MPPED1: variants seen among roughly 807,000 people sequenced by gnomAD.
The protein encoded by MPPED1 is metallophosphoesterase domain containing 1.
MPPED1 carries 16 observed loss-of-function variants against 36.2 expected under a neutral mutation model. That is an observed-to-expected ratio of 0.44 (90% CI 0.30 to 0.67). The LOEUF (loss-of-function observed/expected upper bound fraction) is 0.67, where lower values mean the gene tolerates loss of function less well. Ranked by LOEUF, MPPED1 falls within the 30% of genes least tolerant of loss-of-function variation. The pLI is 0.10. For missense variants in MPPED1, 307 were observed against 453.4 expected, an observed-to-expected ratio of 0.68 and a Z score of 2.93; for synonymous variants, 199 against 191.3, an observed-to-expected ratio of 1.04 and a Z score of -0.33.
intron 2 of MPPED1, 56 bp from the exon 3 acceptor site, chr22:43,434,978 C>A: frequency 6.4e-7 from 1 of 1,567,120 alleles, no homozygotes; most frequent in Non-Finnish European, 8.7e-7. Flanking sequence ...AGACACACCA[C>A]CCGCAGGCTC....
chr22:43,450,359 A>G lies in MPPED1; in HGVS notation c.406+15144A>G, dbSNP rs111718615. Among the ~76,000 whole-genome samples the G allele has an allele frequency of 1.9e-4, 29 of 152,318 alleles. 1 individual carries two copies. The highest frequency in any genetic ancestry group is 6.7e-4 in the African/African-American group (28 of 41,576). On this transcript the variant is annotated intron_variant, in intron 3 of 6. Coordinates refer to ENST00000443721, the MANE Select transcript of MPPED1 (RefSeq NM_001044370.2). ...CCCCTGTGCCTCAGTGTCTTCACCT[A>G]AAAAATGGGGCGACACACTTGCTTT...
intron 3 of MPPED1, among the ~76,000 whole-genome samples, chr22:43,448,959 C>A (rs1930461609): frequency 6.6e-6 from 1 of 151,902 alleles, no homozygotes; most frequent in Non-Finnish European, 1.5e-5. Flanking sequence ...TCTTGTGTAT[C>A]TGGAAAATCC....
intron 3 of MPPED1, among the ~76,000 whole-genome samples, chr22:43,462,758 C>T (rs1462460953): frequency 6.6e-6 from 1 of 152,154 alleles, no homozygotes; most frequent in Non-Finnish European, 1.5e-5. Context: ...CCAAGGCCTG[C>T]TCCCATTGGG....
intron 6 of MPPED1, among the ~76,000 whole-genome samples, chr22:43,504,357 AATG>A (rs761581871): frequency 2.0e-5 from 3 of 151,898 alleles, no homozygotes; most frequent in South Asian, 2.1e-4. Context: ...CAATGATGAC[AATG>A]ATGATGATGA....
chr22:43,426,654 C>T (rs1016353896), intron 2 of MPPED1, among the ~76,000 whole-genome samples: 4 of 152,196 alleles, frequency 2.6e-5, no homozygotes, highest in Admixed American at 6.5e-5. Context: ...TGGCCTCCCT[C>T]AGGCCTGGCC....
intron 3 of MPPED1, among the ~76,000 whole-genome samples, chr22:43,469,999 A>G (rs999510757): frequency 2.6e-5 from 4 of 151,728 alleles, no homozygotes; most frequent in Admixed American, 2.6e-4. Flanking sequence ...CCACCAACCC[A>G]TCTATAAACC....
intron 4 of MPPED1, among the ~76,000 whole-genome samples, chr22:43,495,947 G>T (rs1220759222): frequency 1.4e-3 from 177 of 125,612 alleles, no homozygotes; most frequent in South Asian, 2.9e-3. Context: ...GGAGGTAGTG[G>T]TGGTGGAGGT....
intron 4 of MPPED1, among the ~76,000 whole-genome samples, chr22:43,494,842 GC>G (rs1275609748): frequency 7.2e-5 from 11 of 152,150 alleles, no homozygotes; most frequent in Non-Finnish European, 4.4e-5. Context: ...AGATCAAGGT[GC>G]TGGCAGATTC....
chr22:43,492,584 C>T (rs1360285603), intron 4 of MPPED1, among the ~76,000 whole-genome samples: 2 of 152,278 alleles, frequency 1.3e-5, no homozygotes, highest in Non-Finnish European at 2.9e-5. Flanking sequence ...TGCCCTGCCC[C>T]TCACACTTAA....
chr22:43,498,597 A>G (rs910689588), intron 5 of MPPED1, among the ~76,000 whole-genome samples: 1 of 151,980 alleles, frequency 6.6e-6, no homozygotes, highest in African/African-American at 2.4e-5. Flanking sequence ...TCACCTGCCC[A>G]TTTGACAGGT....
chr22:43,414,099 A>G (rs1002620021), intron 1 of MPPED1, among the ~76,000 whole-genome samples: 1 of 152,190 alleles, frequency 6.6e-6, no homozygotes, highest in African/African-American at 2.4e-5. Flanking sequence ...CTAGGCGAAC[A>G]ATAAGAATTT....
intron 3 of MPPED1, among the ~76,000 whole-genome samples, chr22:43,441,693 G>T (rs891691988): frequency 1.3e-5 from 2 of 152,190 alleles, no homozygotes; most frequent in Non-Finnish European, 2.9e-5. Flanking sequence ...AATATAAAAG[G>T]GGTCCAAGGA....
At chr22:43,475,902 G>C (rs1569082605) in intron 4 of MPPED1, among the ~76,000 whole-genome samples, 1 of 146,014 alleles carries the variant, frequency 6.8e-6, no homozygotes, top group Non-Finnish European at 1.5e-5. Flanking sequence ...TGGTTATGCT[G>C]ATGGTGATGA....
At chr22:43,420,770 G>A (rs2146814350) in intron 1 of MPPED1, among the ~76,000 whole-genome samples, 1 of 152,290 alleles carries the variant, frequency 6.6e-6, no homozygotes, top group Non-Finnish European at 1.5e-5. Flanking sequence ...TCCAGGTACT[G>A]ATTATTAGCT....
chr22:43,421,240 C>T (rs1174552987), intron 1 of MPPED1, among the ~76,000 whole-genome samples: 2 of 152,388 alleles, frequency 1.3e-5, no homozygotes, highest in African/African-American at 4.8e-5. Flanking sequence ...CGCCTCCTCG[C>T]ACGGTGGCTA....
At position 43,482,707 on chromosome 22, in the gene MPPED1, G is replaced by A. The variant is rs186605996; in HGVS notation, c.632+7746G>A. ...CACCTGCTGCTCGACGTTTATGACCGCCCAGGCTAGGGCACGGAAGCAATA... is the reference window on the plus strand; with the variant it reads ...CACCTGCTGCTCGACGTTTATGACCACCCAGGCTAGGGCACGGAAGCAATA... On this transcript the variant is annotated intron_variant, in intron 4 of 6. Coordinates refer to ENST00000443721, the MANE Select transcript of MPPED1 (RefSeq NM_001044370.2). 1.8e-4 allele frequency among the ~76,000 whole-genome samples: 27 copies of A among 152,308 alleles called. No homozygotes were observed. The East Asian group carries it at 2.1e-3, about 12-fold the overall frequency.
intron 5 of MPPED1, among the ~76,000 whole-genome samples, chr22:43,500,278 C>A (rs796508729): frequency 7.6e-4 from 15 of 19,844 alleles, no homozygotes; most frequent in African/African-American, 3.5e-3. Context: ...ATGGAGGTGG[C>A]GGTGGTGATG....
chr22:43,505,828 CT>C lies in MPPED1; in HGVS notation c.*217del. 1 of 546,212 alleles carries C rather than the reference CT, an allele frequency of 1.8e-6. No individual in the cohort carries two copies. The highest frequency in any genetic ancestry group is 3.3e-6 in the Non-Finnish European group (1 of 306,068). 33.8% of individuals were successfully genotyped at this position (546,212 alleles called of 1,614,324 possible). A position where few individuals can be genotyped will look rare whatever the true frequency, so the allele number is the denominator to read the frequency against. On this transcript the variant is annotated 3_prime_UTR_variant, in exon 7 of 7. Coordinates refer to ENST00000443721, the MANE Select transcript of MPPED1 (RefSeq NM_001044370.2). ...CCATCAGGGGTTCTGTGCTCATTTA[CT>C]TTTTCTGCGTGTACATCCTGCGTGT...
In MPPED1 at chr22:43,502,675, G is replaced by A. The variant is rs752810453; in HGVS notation, c.780G>A (p.Gln260=). The change falls in exon 6 of 7, where the codon CAG becomes CAA. Residue 260 remains glutamine (Q), a synonymous_variant. Transcript: ENST00000443721. The surrounding 1 kb of genome is among the most constrained non-coding windows in gnomAD (Gnocchi z 5.5). ...GFLDWVPKKM[Q]RVGCVELLNT... ...TGGACTGGGTCCCCAAGAAGATGCA[G>A]CGGGTGGGCTGTGTGGAGCTGCTCA... 6.2e-7 allele frequency: 1 copy of A among 1,613,218 alleles called. No individual in the cohort carries two copies. Among genetic ancestry groups the A allele is most frequent in the Admixed American group, 1.7e-5 (1 of 60,010 alleles).
Sources: allele counts gnomAD v4.1 joint callset (sites outside exome capture counted in the v4.1 genomes callset), GRCh38; gene constraint gnomAD v4.1.1; non-coding constraint Gnocchi (gnomAD v3.1); transcripts MANE v1.5; gene names NCBI Gene and HGNC (gene_info 2026-07-23, HGNC 2026-07-21).